The following COL6A6 variants were observed in gnomAD, a reference collection of about 807,000 sequenced individuals.
The protein encoded by COL6A6 is collagen alpha-6(VI) chain.
In COL6A6, 183 loss-of-function variants were observed where a neutral mutation model predicts 208.6. That is an observed-to-expected ratio of 0.88 (90% confidence interval 0.78 to 0.99). The LOEUF (loss-of-function observed/expected upper bound fraction) is 0.99. COL6A6 is among the 50% of genes least tolerant of loss of function. COL6A6 has a pLI of 0.00. For synonymous variants in COL6A6, 973 were observed against 1,011.8 expected, an observed-to-expected ratio of 0.96 and a Z score of 0.73; for missense variants, 2,816 against 2,815.2, an observed-to-expected ratio of 1.00 and a Z score of -0.01.
chr3:130,563,331 G>T lies in COL6A6; in HGVS notation c.328G>T (p.Ala110Ser). 2 of 1,613,982 alleles carry T rather than the reference G, an allele frequency of 1.2e-6. No homozygotes were observed. The highest frequency in any genetic ancestry group is 1.1e-5 in the South Asian group (1 of 91,082). The change falls in exon 3 of 37, where the codon GCT (alanine) becomes TCT (serine). Residue 110 changes from alanine (A) to serine (S), a missense_variant. Physicochemically the swap from Ala to Ser is moderately conservative, Grantham distance 99. Transcript: ENST00000358511. ...FIGGSLQIGK[A>S]LQEAHRTYFS... The stretch of plus-strand genomic sequence containing the variant: ...TGGCGGGTCCCTGCAGATAGGAAAG[G>T]CTCTTCAGGAGGCTCACAGGACTTA...
chr3:130,653,038 A>G (rs1362549462), intron 33 of COL6A6, among the ~76,000 whole-genome samples: 1 of 152,228 alleles, frequency 6.6e-6, no homozygotes, highest in Non-Finnish European at 1.5e-5. Context: ...GTTGAGTGGC[A>G]AGCTGTGCCT....
At position 130,530,091 on chromosome 3, in the gene COL6A6, C is replaced by T. The variant is rs113419247; in HGVS notation, c.-32+12694C>T. Among the ~76,000 whole-genome samples the T allele has an allele frequency of 8.2e-3, 1,244 of 152,316 alleles. 9 individuals carry two copies. The highest frequency in any genetic ancestry group is 0.027 in the Middle Eastern group (8 of 294). On this transcript the variant is annotated intron_variant, in intron 1 of 36. Transcript: ENST00000358511. ...CAGTGTTTCAGTCTAGCCCTCCTGG[C>T]GATTCTGAGGCTTGTTCCAGTGTGA... is the stretch of plus-strand genomic sequence containing the variant.
At position 130,573,591 on chromosome 3, in the gene COL6A6, G is replaced by A. The variant is rs13099603; in HGVS notation, c.2978-365G>A. Among the ~76,000 whole-genome samples, 403 of 148,026 alleles carry A rather than the reference G, an allele frequency of 2.7e-3. 1 individual carries two copies. Among genetic ancestry groups the A allele is most frequent in the Non-Finnish European group, 2.6e-3 (176 of 67,212 alleles). On this transcript the variant is annotated intron_variant, in intron 7 of 36. Coordinates refer to ENST00000358511, the MANE Select transcript of COL6A6 (RefSeq NM_001102608.3). ...TTTTTTTTTTTTTTTTTTTGAGACG[G>A]GGTCTTGCTCTGTCACCCAGGCTGG...
At chr3:130,668,694 G>A (rs956756216) in intron 36 of COL6A6, among the ~76,000 whole-genome samples, 58 of 152,266 alleles carry the variant, frequency 3.8e-4, no homozygotes, top group African/African-American at 1.2e-3. Flanking sequence ...TTCAATTTAT[G>A]AGGAAGATAA....
rs1374608588 is a variant in COL6A6, at chr3:130,674,554, T to C, written c.6597-648T>C. On this transcript the variant is annotated intron_variant, in intron 36 of 36. Coordinates refer to ENST00000358511, the MANE Select transcript of COL6A6 (RefSeq NM_001102608.3). ...ATTGTACCTAACACCGTGCCTTCTA[T>C]TAAGCAGATAGTAAACATATGGATG... Among the ~76,000 whole-genome samples the C allele has an allele frequency of 3.3e-5, 5 of 152,190 alleles. No homozygotes were observed. In the East Asian group the frequency reaches 5.8e-4, roughly 18 times the overall value.
intron 20 of COL6A6, among the ~76,000 whole-genome samples, chr3:130,605,591 AT>A: frequency 6.6e-6 from 1 of 152,294 alleles, no homozygotes; most frequent in Non-Finnish European, 1.5e-5. Context: ...CTGATAGAAG[AT>A]TTAGGGTTTC....
rs372666117 is a variant in COL6A6 at position 130,658,720 on chromosome 3, G to A, written c.5778G>A (p.Gly1926=). Residue 1926 remains glycine (G), a synonymous_variant, in exon 34 of 37, where the codon GGG becomes GGA. Coordinates refer to ENST00000358511, the MANE Select transcript of COL6A6 (RefSeq NM_001102608.3). ...GTFQVIVVPS[G]ADYIPALERL... ...TTCAAGTAATAGTGGTTCCCTCCGG[G>A]GCCGACTACATACCAGCATTAGAGA... 12 of 1,613,152 alleles carry A rather than the reference G, an allele frequency of 7.4e-6. No individual in the cohort carries two copies. In the African/African-American group the frequency reaches 1.6e-4, roughly 22 times the overall value.
Position 130,581,699 on chromosome 3 carries a change from G to T in COL6A6, c.3686G>T (p.Cys1229Phe), listed in dbSNP as rs2108003072. Reference protein sequence around the residue: ...RAISSLNGVSCEVGTETQVSV... With the variant: ...RAISSLNGVSFEVGTETQVSV... ...ATCAGCTCCCTCAATGGAGTAAGCT[G>T]TGAGGTGGGCACAGAGACTCAGGTC... The change falls in exon 9 of 37, where the codon TGT becomes TTT. Residue 1229 changes from cysteine to phenylalanine, a missense_variant. By Grantham distance (205) the Cys-to-Phe change is radical. Transcript: ENST00000358511. 1 of 1,613,976 alleles carries T rather than the reference G, an allele frequency of 6.2e-7. No homozygotes were observed. The highest frequency in any genetic ancestry group is 2.2e-5 in the East Asian group (1 of 44,880).
chr3:130,663,407 A>T (rs2065987753), intron 35 of COL6A6, among the ~76,000 whole-genome samples: 1 of 152,176 alleles, frequency 6.6e-6, no homozygotes, highest in Non-Finnish European at 1.5e-5. Context: ...ATGGTTTGAG[A>T]AACACTTGGA....
chr3:130,549,056 T>C (rs2062584522), intron 1 of COL6A6, among the ~76,000 whole-genome samples: 1 of 152,260 alleles, frequency 6.6e-6, no homozygotes, highest in Admixed American at 6.5e-5. Flanking sequence ...ATCGCATTTA[T>C]ACTCCTTTAA....
In COL6A6 at chr3:130,656,412, CAGCAG is replaced by C. The variant is rs369790244; in HGVS notation, c.5734-2261_5734-2257del. Among the ~76,000 whole-genome samples, 159 of 150,552 alleles carry C rather than the reference CAGCAG, an allele frequency of 1.1e-3. 2 individuals carry two copies. Among genetic ancestry groups the C allele is most frequent in the African/African-American group, 3.4e-3 (141 of 41,440 alleles). On this transcript the variant is annotated intron_variant, in intron 33 of 36. Coordinates refer to ENST00000358511, the MANE Select transcript of COL6A6 (RefSeq NM_001102608.3). ...GGTCTCCTGATGAGTGTCTGGCTCT[CAGCAG>C]AGAGGAGGCCCTGGGGTGGGTAGCT...
chr3:130,539,983 T>TGA (rs1319990590), intron 1 of COL6A6, among the ~76,000 whole-genome samples: 1 of 152,242 alleles, frequency 6.6e-6, no homozygotes, highest in African/African-American at 2.4e-5. Flanking sequence ...GTTCATTACA[T>TGA]ACTCATTTAT....
At chr3:130,580,272 G>GT (rs924876126) in intron 8 of COL6A6, among the ~76,000 whole-genome samples, 2 of 152,106 alleles carry the variant, frequency 1.3e-5, no homozygotes, top group African/African-American at 4.8e-5. Flanking sequence ...TTTCTAAATA[G>GT]TTTATCTTAT....
chr3:130,580,255 C>G (rs947530772), intron 8 of COL6A6, among the ~76,000 whole-genome samples: 2 of 152,270 alleles, frequency 1.3e-5, no homozygotes, highest in Admixed American at 6.5e-5. Context: ...AGGATATATT[C>G]TGCTTTTTTC....
chr3:130,642,532 G>T (rs375639832), intron 29 of COL6A6, among the ~76,000 whole-genome samples: 2 of 152,286 alleles, frequency 1.3e-5, no homozygotes, highest in African/African-American at 4.8e-5. Flanking sequence ...TGCGGCAAGT[G>T]TCAGGTTGTC....
intron 32 of COL6A6, 141 bp from the exon 33 acceptor site, chr3:130,648,928 A>G: frequency 1.5e-6 from 1 of 667,106 alleles, no homozygotes; most frequent in East Asian, 3.1e-5. Flanking sequence ...AGATTTAAAT[A>G]TATTTTACAT....
intron 19 of COL6A6, among the ~76,000 whole-genome samples, 152 bp from the exon 20 acceptor site, chr3:130,599,605 T>A (rs1043817712): frequency 1.3e-5 from 2 of 152,206 alleles, no homozygotes; most frequent in Non-Finnish European, 2.9e-5. Context: ...TGACTTATGA[T>A]CAGTAGAGTT....
intron 1 of COL6A6, among the ~76,000 whole-genome samples, chr3:130,544,465 A>G (rs1386919743): frequency 2.0e-5 from 3 of 152,208 alleles, no homozygotes; most frequent in Non-Finnish European, 2.9e-5. Flanking sequence ...TATGTTGGCT[A>G]TTGTGAACAG....
chr3:130,585,304 A>C (rs1220504497), intron 10 of COL6A6, among the ~76,000 whole-genome samples: 1 of 152,214 alleles, frequency 6.6e-6, no homozygotes, highest in Admixed American at 6.5e-5. Context: ...GAATTAGGCT[A>C]TCTGGGTAAA....
Sources: allele counts gnomAD v4.1 joint callset (sites outside exome capture counted in the v4.1 genomes callset), GRCh38; gene constraint gnomAD v4.1.1; transcripts MANE v1.5; gene names NCBI Gene and HGNC (gene_info 2026-07-23, HGNC 2026-07-21).